DGKK: variants seen among roughly 807,000 people sequenced by gnomAD.
The protein encoded by DGKK is diacylglycerol kinase kappa.
In DGKK, 35 loss-of-function variants were observed where a neutral mutation model predicts 92.2. That is an observed-to-expected ratio of 0.38 (90% CI 0.29 to 0.50). The LOEUF is 0.50. Ranked by LOEUF, DGKK falls within the 20% of genes least tolerant of loss-of-function variation. The probability of loss-of-function intolerance (pLI) is 0.92; values close to 1 mark genes in which losing one functional copy is unlikely to be tolerated. For missense variants in DGKK, 910 were observed against 992.2 expected, an observed-to-expected ratio of 0.92 and a Z score of 1.11; for synonymous variants, 368 against 360.6, an observed-to-expected ratio of 1.02 and a Z score of -0.23.
intron 5 of DGKK, 125 bp downstream of exon 5, chrX:50,403,924 A>G: frequency 5.8e-6 from 5 of 865,595 alleles, no homozygotes; most frequent in East Asian, 6.5e-5. Context: ...TCTTTCCTCA[A>G]TCAGGGTTAA....
intron 1 of DGKK, among the ~76,000 whole-genome samples, chrX:50,463,439 A>G (rs1414967524): frequency 1.2e-5 from 1 of 81,745 alleles, no homozygotes; most frequent in Non-Finnish European, 2.3e-5. Context: ...TCCTCTCCCT[A>G]TCTCAGTCTC....
chrX:50,374,977 T>G lies in DGKK; in HGVS notation c.3495A>C (p.Glu1165Asp). 8.3e-7 allele frequency: 1 copy of G among 1,208,002 alleles called. No homozygotes were observed. Among genetic ancestry groups the G allele is most frequent in the Non-Finnish European group, 1.1e-6 (1 of 892,699 alleles). ...LYDDTTAFLD[E>D]KLLRSAEDET... ...TCCAACCCCCTGCACTCACCAGCTT[T>G]TCATCCAGGAAAGCTGTGGTGTCAT... The change falls in exon 25 of 28, where the codon GAA becomes GAC. Residue 1165 changes from glutamate to aspartate, a missense_variant. By Grantham distance (45) the Glu-to-Asp change is conservative. Transcript: ENST00000611977.
At chrX:50,469,391 TC>T (rs1407028059) in intron 1 of DGKK, among the ~76,000 whole-genome samples, 17 of 112,483 alleles carry the variant, frequency 1.5e-4, no homozygotes, top group Non-Finnish European at 2.4e-4. Flanking sequence ...ACGCATGCTC[TC>T]CCCCTCCTCC....
At chrX:50,402,739 G>T (rs1318486886) in intron 7 of DGKK, among the ~76,000 whole-genome samples, 1 of 111,747 alleles carries the variant, frequency 8.9e-6, no homozygotes, top group African/African-American at 3.3e-5. Context: ...GAATGAGAAA[G>T]GGAGTAGGTT....
chrX:50,380,921 G>T (rs1366029448), intron 18 of DGKK, among the ~76,000 whole-genome samples: 1 of 111,317 alleles, frequency 9.0e-6, no homozygotes, highest in Non-Finnish European at 1.9e-5. Flanking sequence ...AGGAGTTTAG[G>T]TATATGAAAA....
rs187202302 is a variant in DGKK at position 50,451,526 on chromosome X, T to C, written c.645+18508A>G. 2.9e-4 allele frequency among the ~76,000 whole-genome samples: 32 copies of C among 111,436 alleles called. No individual in the cohort carries two copies. The Middle Eastern group carries it at 0.014, about 48-fold the overall frequency. On this transcript the variant is annotated intron_variant, in intron 1 of 27. Coordinates refer to ENST00000611977, the MANE Select transcript of DGKK (RefSeq NM_001013742.4). ...AATTCTATGCACACTGGAAATTATA[T>C]ATTTATATACAATTTATATGTAGAA...
intron 1 of DGKK, among the ~76,000 whole-genome samples, chrX:50,430,483 G>A (rs945803293): frequency 5.2e-4 from 58 of 111,852 alleles, no homozygotes; most frequent in Admixed American, 1.9e-4. Context: ...GTTTTGTGGT[G>A]AGAGTGAGTA....
intron 7 of DGKK, among the ~76,000 whole-genome samples, chrX:50,401,586 G>A (rs781906020): frequency 1.3e-4 from 15 of 111,290 alleles, no homozygotes; most frequent in Non-Finnish European, 9.4e-5. Flanking sequence ...GAGGTAAAGG[G>A]TTTTGCCCAA....
chrX:50,399,662 A>G (rs371939504), intron 8 of DGKK, among the ~76,000 whole-genome samples: 4 of 112,495 alleles, frequency 3.6e-5, no homozygotes, highest in African/African-American at 1.3e-4. Flanking sequence ...ATTTATGAGC[A>G]GTGTATCTCT....
chrX:50,468,106 T>G (rs1926955783), intron 1 of DGKK, among the ~76,000 whole-genome samples: 1 of 112,115 alleles, frequency 8.9e-6, no homozygotes, highest in South Asian at 3.8e-4. Flanking sequence ...TAGAGGAAAC[T>G]AATCTGATTC....
chrX:50,405,863 T>C (rs1192709642), intron 4 of DGKK, among the ~76,000 whole-genome samples: 1 of 111,824 alleles, frequency 8.9e-6, no homozygotes, highest in Admixed American at 9.5e-5. Context: ...GGGAGTGACA[T>C]ACTCTTGGCT....
chrX:50,405,190 T>G (rs1461228681), intron 4 of DGKK, among the ~76,000 whole-genome samples: 1 of 112,129 alleles, frequency 8.9e-6, no homozygotes, highest in Non-Finnish European at 1.9e-5. Flanking sequence ...GAGTTTGACA[T>G]TTTTTGTTAA....
chrX:50,384,944 A>C, intron 15 of DGKK, 120 bp from the exon 16 acceptor site: 1 of 534,955 alleles, frequency 1.9e-6, no homozygotes, highest in East Asian at 3.5e-5. Flanking sequence ...ACATTTATCG[A>C]GCATCTATTT....
At chrX:50,458,317 C>T (rs146582148) in intron 1 of DGKK, among the ~76,000 whole-genome samples, 2 of 109,918 alleles carry the variant, frequency 1.8e-5, no homozygotes, top group Non-Finnish European at 3.8e-5. Flanking sequence ...ACTACCTGAC[C>T]CCCAAAGGCT....
chrX:50,437,845 G>T (rs1419788080), intron 1 of DGKK, among the ~76,000 whole-genome samples: 1 of 111,269 alleles, frequency 9.0e-6, no homozygotes, highest in African/African-American at 3.3e-5. Context: ...ATTCCCACTG[G>T]TCCTGGAAAG....
intron 18 of DGKK, among the ~76,000 whole-genome samples, chrX:50,380,342 T>G (rs782492506): frequency 2.7e-5 from 3 of 110,757 alleles, no homozygotes; most frequent in Non-Finnish European, 5.7e-5. Context: ...TGGTCCAGAC[T>G]TGGAAGAAAC....
intron 1 of DGKK, among the ~76,000 whole-genome samples, chrX:50,457,467 G>T (rs1926636465): frequency 8.9e-6 from 1 of 111,857 alleles, no homozygotes; most frequent in African/African-American, 3.2e-5. Context: ...TTCTAGGTCT[G>T]ATTCACCCTT....
chrX:50,384,324 C>A, intron 16 of DGKK, 60 bp from the exon 17 acceptor site: 2 of 819,075 alleles, frequency 2.4e-6, no homozygotes, highest in Non-Finnish European at 1.7e-6. Context: ...TTTCCCCTCA[C>A]TTGTATTTCG....
At chrX:50,392,824 G>T (rs1557225705) in intron 9 of DGKK, among the ~76,000 whole-genome samples, 1 of 109,189 alleles carries the variant, frequency 9.2e-6, no homozygotes, top group African/African-American at 3.6e-5. Flanking sequence ...CCGGGAAAGA[G>T]AGTGGCAGGA....
Sources: allele counts gnomAD v4.1 joint callset (sites outside exome capture counted in the v4.1 genomes callset), GRCh38; gene constraint gnomAD v4.1.1; transcripts MANE v1.5; gene names NCBI Gene and HGNC (gene_info 2026-07-23, HGNC 2026-07-21).